Variants in NECTIN3 observed in about 807,000 individuals in gnomAD.
NECTIN3 encodes nectin cell adhesion molecule 3.
NECTIN3 carries 8 observed loss-of-function variants against 49.4 expected under a neutral mutation model. The observed-to-expected ratio is 0.16, with a 90% CI of 0.10 to 0.29. The LOEUF (loss-of-function observed/expected upper bound fraction) is 0.29, where lower values mean the gene tolerates loss of function less well. NECTIN3 is among the 10% of genes least tolerant of loss of function. The pLI, the probability that NECTIN3 is intolerant of heterozygous loss-of-function variation, is 1.00. For missense variants in NECTIN3, 581 were observed against 654.6 expected (o/e 0.89, Z 1.23); for synonymous variants, 277 against 241.1 (o/e 1.15, Z -1.38).
chr3:111,168,621 TAATC>T (rs1445826632), intron 7 of NECTIN3, among the ~76,000 whole-genome samples: 2 of 152,184 alleles, frequency 1.3e-5, no homozygotes, highest in African/African-American at 4.8e-5. Flanking sequence ...TTGAGTGGAT[TAATC>T]AATCAAAGGT....
intron 1 of NECTIN3, among the ~76,000 whole-genome samples, chr3:111,111,416 A>G (rs1278673655): frequency 6.6e-6 from 1 of 152,178 alleles, no homozygotes; most frequent in East Asian, 1.9e-4. Context: ...ATCTGTCTTT[A>G]ATGACTTTTC....
chr3:111,116,112 A>G (rs2033680920), intron 2 of NECTIN3, among the ~76,000 whole-genome samples: 1 of 152,154 alleles, frequency 6.6e-6, no homozygotes, highest in Non-Finnish European at 1.5e-5. Flanking sequence ...TTTATCAGAT[A>G]AAAGTTTTTA....
chr3:111,173,450 C>A (rs1165129708), intron 7 of NECTIN3, among the ~76,000 whole-genome samples: 1 of 152,182 alleles, frequency 6.6e-6, no homozygotes, highest in African/African-American at 2.4e-5. Flanking sequence ...TCTGCTCCAC[C>A]TCCCTGAACC....
At chr3:111,112,008 A>G (rs1243352969) in intron 1 of NECTIN3, 22 bp from the exon 2 acceptor site, 9 of 1,535,958 alleles carry the variant, frequency 5.9e-6, no homozygotes, top group Non-Finnish European at 7.9e-6. Context: ...TAAAAATTGT[A>G]GTACTTTTTT....
At chr3:111,174,142 A>G (rs2035482351) in intron 7 of NECTIN3, among the ~76,000 whole-genome samples, 1 of 152,188 alleles carries the variant, frequency 6.6e-6, no homozygotes, top group African/African-American at 2.4e-5. Flanking sequence ...CCAACCAATA[A>G]AGTGTGAGTC....
At chr3:111,112,418 T>C in intron 2 of NECTIN3, 47 bp downstream of exon 2, 1 of 1,116,262 alleles carries the variant, frequency 9.0e-7, no homozygotes, top group East Asian at 2.7e-5. Context: ...GTGAAGATTA[T>C]AATAAAAATA....
chr3:111,112,479 T>A, intron 2 of NECTIN3, 108 bp downstream of exon 2: 2 of 729,806 alleles, frequency 2.7e-6, no homozygotes, highest in Non-Finnish European at 4.2e-6. Flanking sequence ...AGGTTTAAAG[T>A]AAAATAATTC....
chr3:111,190,260 T>A (rs2107538317), upstream of NECTIN3, among the ~76,000 whole-genome samples: 1 of 152,322 alleles, frequency 6.6e-6, no homozygotes, highest in Admixed American at 6.5e-5. Flanking sequence ...ACTGTAGAAT[T>A]ATGCTGACTT....
chr3:111,140,283 A>G (rs965308426), downstream of NECTIN3, among the ~76,000 whole-genome samples: 6 of 151,652 alleles, frequency 4.0e-5, no homozygotes, highest in African/African-American at 1.5e-4. Flanking sequence ...TCAGCACATT[A>G]TAGGTTTAGT....
chr3:111,090,913 T>G (rs1219727895), intron 1 of NECTIN3, among the ~76,000 whole-genome samples: 1 of 149,300 alleles, frequency 6.7e-6, no homozygotes, highest in East Asian at 2.1e-4. Context: ...TTTATCCTCA[T>G]TCCGCCATTA....
chr3:111,102,952 A>G (rs1046260054), intron 1 of NECTIN3, among the ~76,000 whole-genome samples: 4 of 152,184 alleles, frequency 2.6e-5, no homozygotes, highest in African/African-American at 9.7e-5. Context: ...ATCAAAGTTA[A>G]CGTATAGTTA....
At chr3:111,158,328 G>A (rs999165334) in intron 7 of NECTIN3, among the ~76,000 whole-genome samples, 1 of 151,990 alleles carries the variant, frequency 6.6e-6, no homozygotes, top group Non-Finnish European at 1.5e-5. Flanking sequence ...GCTTTATGAC[G>A]ATTCCTAGTT....
At chr3:111,166,684 AT>A (rs1443917137) in intron 7 of NECTIN3, among the ~76,000 whole-genome samples, 1 of 152,178 alleles carries the variant, frequency 6.6e-6, no homozygotes, top group Non-Finnish European at 1.5e-5. Context: ...ATGAATATGG[AT>A]TCTTAGATGT....
At chr3:111,158,905 C>T (rs1405659102) in intron 7 of NECTIN3, among the ~76,000 whole-genome samples, 2 of 152,088 alleles carry the variant, frequency 1.3e-5, no homozygotes, top group Non-Finnish European at 2.9e-5. Context: ...GAAGACAACC[C>T]AGTTTTTTAA....
intron 1 of NECTIN3, among the ~76,000 whole-genome samples, chr3:111,109,459 T>C (rs146474361): frequency 5.7e-4 from 87 of 152,264 alleles, no homozygotes; most frequent in African/African-American, 2.0e-3. Flanking sequence ...GTTTTGTCTA[T>C]ATACATATGT....
chr3:111,138,444 T>C (rs1372681897), downstream of NECTIN3, among the ~76,000 whole-genome samples: 2 of 151,612 alleles, frequency 1.3e-5, no homozygotes, highest in African/African-American at 2.4e-5. Flanking sequence ...TTTTCTGTTA[T>C]AGTCCAGTCA....
chr3:111,114,166 C>A (rs1184829727), intron 2 of NECTIN3, among the ~76,000 whole-genome samples: 1 of 152,108 alleles, frequency 6.6e-6, no homozygotes, highest in East Asian at 1.9e-4. Flanking sequence ...TCCACACCTA[C>A]TTTTCTCGCT....
intron 2 of NECTIN3, among the ~76,000 whole-genome samples, chr3:111,118,430 G>A (rs2033801161): frequency 6.6e-6 from 1 of 151,402 alleles, no homozygotes. Flanking sequence ...TTATCAGGTA[G>A]AGCCATCTTT....
At chr3:111,079,306 G>C (rs983772189) in intron 1 of NECTIN3, among the ~76,000 whole-genome samples, 1 of 151,874 alleles carries the variant, frequency 6.6e-6, no homozygotes, top group African/African-American at 2.4e-5. Context: ...TTTTGAAACT[G>C]TGCATTGTTT....
Sources: gnomAD v4.1 joint callset for allele counts (sites outside exome capture counted in the v4.1 genomes callset) on GRCh38, gnomAD v4.1.1 for gene constraint, MANE v1.5 for transcripts, NCBI Gene and HGNC (gene_info 2026-07-23, HGNC 2026-07-21) for gene names.